Variants in PKD1L3 observed in about 807,000 individuals in gnomAD.
PKD1L3 encodes the protein polycystin 1 like 3, transient receptor potential channel interacting.
A neutral mutation model predicts 184.1 loss-of-function variants in PKD1L3; 239 were observed. That is an observed-to-expected ratio of 1.30 (90% CI 1.17 to 1.45). The LOEUF (loss-of-function observed/expected upper bound fraction) is 1.45. Among genes scored for constraint, PKD1L3 ranks in the 40% most tolerant of loss-of-function variants. The pLI is 0.00. For missense variants in PKD1L3, 2,660 were observed against 2,067.2 expected (o/e 1.29, Z -5.56); for synonymous variants, 996 against 778.8 (o/e 1.28, Z -4.64).
In PKD1L3 at chr16:71,946,540, C is replaced by G. The variant is rs761180441; in HGVS notation, c.3718+952G>C. 2.8e-4 allele frequency among the ~76,000 whole-genome samples: 43 copies of G among 151,928 alleles called. No homozygotes were observed. In the Middle Eastern group the frequency reaches 0.01, roughly 36 times the overall value. On this transcript the variant is annotated intron_variant, in intron 22 of 29. Coordinates refer to ENST00000620267, the MANE Select transcript of PKD1L3 (RefSeq NM_181536.2). ...GGTTCATCCAGGTGATAAGTTAGCCCTAGTCAGTTAGAGGGTAGGCCAGTT... is the reference window on the plus strand; with the variant it reads ...GGTTCATCCAGGTGATAAGTTAGCCGTAGTCAGTTAGAGGGTAGGCCAGTT...
intron 10 of PKD1L3, among the ~76,000 whole-genome samples, 166 bp from the exon 11 acceptor site, chr16:71,977,633 G>A (rs1220661697): frequency 1.4e-5 from 2 of 147,486 alleles, no homozygotes; most frequent in Admixed American, 1.4e-4. Context: ...CTGGTCTCAA[G>A]CAATCCTCCC....
intron 22 of PKD1L3, among the ~76,000 whole-genome samples, chr16:71,945,894 C>G (rs773538264): frequency 2.0e-5 from 3 of 152,126 alleles, no homozygotes; most frequent in Non-Finnish European, 2.9e-5. Flanking sequence ...GGAAAAAAGT[C>G]TCTTTTAGGC....
At position 71,935,499 on chromosome 16, in the gene PKD1L3, T is replaced by G; in HGVS notation, c.4472A>C (p.Gln1491Pro). ...TTTCCCAGTGAAGAACCTCCACTTC[T>G]GCTGTTTCAGCTGACAACCCTAAAC... ...AFIQGCQLKQ[Q>P]KWRFFTGKRN... Residue 1491 changes from glutamine (Q) to proline (P), a missense_variant, in exon 26 of 30, where the codon CAG becomes CCG. Transcript: ENST00000620267. 6.4e-7 allele frequency: 1 copy of G among 1,552,202 alleles called. No homozygotes were observed. The highest frequency in any genetic ancestry group is 1.4e-5 in the African/African-American group (1 of 73,162).
At chr16:71,964,115 A>G (rs2143543533) in intron 15 of PKD1L3, among the ~76,000 whole-genome samples, 1 of 136,004 alleles carries the variant, frequency 7.4e-6, no homozygotes, top group South Asian at 2.7e-4. Flanking sequence ...TCCTTTTCCC[A>G]ACCAGTGTTT....
Position 71,942,582 on chromosome 16 carries a change from A to G in PKD1L3, c.4302T>C (p.Asn1434=), listed in dbSNP as rs1386102054. 2.6e-6 allele frequency: 4 copies of G among 1,551,426 alleles called. No homozygotes were observed. Among genetic ancestry groups the G allele is most frequent in the Non-Finnish European group, 3.5e-6 (4 of 1,146,950 alleles). The change falls in exon 24 of 30, where the codon AAT becomes AAC. Residue 1434 remains asparagine, a synonymous_variant. Coordinates refer to ENST00000620267, the MANE Select transcript of PKD1L3 (RefSeq NM_181536.2). ...LHERLTSKNE[N]GFSYIMRGAF... ...TACCTCTCATGATGTAACTGAATCC[A>G]TTCTCATTCTTGCTTGTCAGCCTTT... is the stretch of plus-strand genomic sequence containing the variant.
At position 71,992,773 on chromosome 16, in the gene PKD1L3, T is replaced by G. The variant is rs187190740; in HGVS notation, c.535+443A>C. 2.0e-4 allele frequency among the ~76,000 whole-genome samples: 31 copies of G among 152,358 alleles called. No individual in the cohort carries two copies. In the East Asian group the frequency reaches 5.8e-3, roughly 28 times the overall value. On this transcript the variant is annotated intron_variant, in intron 3 of 29. Coordinates refer to ENST00000620267, the MANE Select transcript of PKD1L3 (RefSeq NM_181536.2). Reference sequence around the variant, plus strand: ...CCGAAGAGTGATCACGAGATCCACTTTAAATCGATCTGTTTCACTTCTTTC... The same window carrying G: ...CCGAAGAGTGATCACGAGATCCACTGTAAATCGATCTGTTTCACTTCTTTC...
rs756108406 is a variant in PKD1L3, at chr16:71,982,038, A to G, written c.1143+21T>C. 1.2e-5 allele frequency: 19 copies of G among 1,528,596 alleles called. No individual in the cohort carries two copies. In the African/African-American group the frequency reaches 2.5e-4, roughly 20 times the overall value. The allele number at this position is 1,528,596 out of a possible 1,614,324, so 94.7% of individuals were successfully genotyped here. ...AAAATGCTTCTAAGCAGATCTGGCC[A>G]CCTGCATATCTGGCACCTACCGGCT... On this transcript the variant is annotated intron_variant, in intron 7 of 29. Coordinates refer to ENST00000620267, the MANE Select transcript of PKD1L3 (RefSeq NM_181536.2).
intron 15 of PKD1L3, 107 bp from the exon 16 acceptor site, chr16:71,963,458 T>C: frequency 1.7e-6 from 2 of 1,192,332 alleles, no homozygotes; most frequent in African/African-American, 1.6e-5. Context: ...AAATGAACTG[T>C]TTCATTGCAA....
At position 71,958,999 on chromosome 16, in the gene PKD1L3, G is replaced by A. The variant is rs1271641344; in HGVS notation, c.2612+4206C>T. 2.8e-5 allele frequency among the ~76,000 whole-genome samples: 4 copies of A among 143,976 alleles called. No individual in the cohort carries two copies. In the East Asian group the frequency reaches 8.4e-4, roughly 30 times the overall value. 94.5% of individuals were successfully genotyped at this position (143,976 alleles called of 152,430 possible). ...CTACTCCGGAGGCTGAGAAAGAATT[G>A]CTTGAACGTGGGAGGCAGAGGTTAT... On this transcript the variant is annotated intron_variant, in intron 16 of 29. Transcript: ENST00000620267.
intron 24 of PKD1L3, among the ~76,000 whole-genome samples, chr16:71,942,018 A>T (rs932212341): frequency 6.6e-6 from 1 of 151,918 alleles, no homozygotes; most frequent in African/African-American, 2.4e-5. Flanking sequence ...ATGGAGCTAC[A>T]CTTTTCAAAA....
Position 71,982,244 on chromosome 16 carries a change from A to G in PKD1L3, c.967-9T>C. The G allele has an allele frequency of 2.9e-6, 3 of 1,050,534 alleles. No homozygotes were observed. Among genetic ancestry groups the G allele is most frequent in the Non-Finnish European group, 4.0e-6 (3 of 745,652 alleles). 65.1% of individuals were successfully genotyped at this position (1,050,534 alleles called of 1,614,324 possible). A position where few individuals can be genotyped will look rare whatever the true frequency, so the allele number is the denominator to read the frequency against. Reference sequence around the variant, plus strand: ...GAATTGATGAGATTAACCTGGGAGGATTAGAAAGCAAACATACACCCTTGA... The same window carrying G: ...GAATTGATGAGATTAACCTGGGAGGGTTAGAAAGCAAACATACACCCTTGA... On this transcript the variant is annotated splice_polypyrimidine_tract_variant and intron_variant, in intron 6 of 29. Coordinates refer to ENST00000620267, the MANE Select transcript of PKD1L3 (RefSeq NM_181536.2).
chr16:71,990,687 T>C (rs930730928), intron 3 of PKD1L3, among the ~76,000 whole-genome samples: 1 of 152,086 alleles, frequency 6.6e-6, no homozygotes, highest in African/African-American at 2.4e-5. Flanking sequence ...TGAGCCGAGA[T>C]TGTGCCACTG....
chr16:71,932,109 A>G (rs1298154785), intron 28 of PKD1L3, among the ~76,000 whole-genome samples: 2 of 152,186 alleles, frequency 1.3e-5, no homozygotes, highest in Non-Finnish European at 2.9e-5. Context: ...TCATTCTGGG[A>G]TTGGTTGAAT....
At chr16:71,987,241 G>C (rs1381317249) in intron 4 of PKD1L3, among the ~76,000 whole-genome samples, 2 of 150,612 alleles carry the variant, frequency 1.3e-5, no homozygotes, top group Non-Finnish European at 3.0e-5. Flanking sequence ...GATTTCTTGA[G>C]ACTGGTTGTC....
intron 5 of PKD1L3, among the ~76,000 whole-genome samples, chr16:71,985,001 C>T (rs950228533): frequency 2.6e-5 from 4 of 152,100 alleles, no homozygotes; most frequent in African/African-American, 4.8e-5. Flanking sequence ...CACTTGAACT[C>T]AAAGTCCAAC....
chr16:71,963,529 C>T (rs1286183490), intron 15 of PKD1L3, among the ~76,000 whole-genome samples, 178 bp from the exon 16 acceptor site: 2 of 152,196 alleles, frequency 1.3e-5, no homozygotes, highest in African/African-American at 4.8e-5. Context: ...CACCTACAAT[C>T]CCAGCACTGC....
intron 15 of PKD1L3, among the ~76,000 whole-genome samples, chr16:71,964,483 AAGGAG>A (rs2039418871): frequency 6.7e-6 from 1 of 148,526 alleles, no homozygotes; most frequent in South Asian, 2.1e-4. Flanking sequence ...GGACTACAGG[AAGGAG>A]CCACCACGCC....
intron 1 of PKD1L3, 25 bp downstream of exon 1, chr16:71,999,659 T>C (rs1419542102): frequency 2.1e-6 from 3 of 1,461,866 alleles, no homozygotes; most frequent in African/African-American, 1.4e-5. Flanking sequence ...GTTTCCTTCA[T>C]AAACACTGAA....
At chr16:71,979,375 CA>C (rs1291780456) in intron 9 of PKD1L3, among the ~76,000 whole-genome samples, 1 of 152,064 alleles carries the variant, frequency 6.6e-6, no homozygotes, top group Non-Finnish European at 1.5e-5. Flanking sequence ...ACCTGGGAGG[CA>C]GAGGTTGCAG....
Sources: allele counts gnomAD v4.1 joint callset (sites outside exome capture counted in the v4.1 genomes callset), GRCh38; gene constraint gnomAD v4.1.1; transcripts MANE v1.5; gene names NCBI Gene and HGNC (gene_info 2026-07-23, HGNC 2026-07-21).